The following PRKN variants were observed in gnomAD, a reference collection of about 807,000 sequenced individuals.
The protein encoded by PRKN is parkin RBR E3 ubiquitin protein ligase.
PRKN carries 56 observed loss-of-function variants against 59.5 expected under a neutral mutation model. The ratio of observed to expected loss-of-function variants is 0.94; its 90% CI spans 0.76 to 1.18. The LOEUF (loss-of-function observed/expected upper bound fraction) is 1.18. Among genes scored for constraint, PRKN ranks in the 50% most tolerant of loss-of-function variants. The pLI is 0.00. For synonymous variants in PRKN, 250 were observed against 222.1 expected (o/e 1.13, Z -1.12); for missense variants, 657 against 596.4 (o/e 1.10, Z -1.06).
chr6:162,543,374 C>A (rs1778997431), intron 1 of PRKN, among the ~76,000 whole-genome samples: 1 of 152,108 alleles, frequency 6.6e-6, no homozygotes, highest in Admixed American at 6.5e-5. Context: ...CACTTCTCCT[C>A]CCAGTTCCAC....
chr6:162,517,627 G>A (rs1004457917), intron 1 of PRKN, among the ~76,000 whole-genome samples: 1 of 152,012 alleles, frequency 6.6e-6, no homozygotes, highest in African/African-American at 2.4e-5. Flanking sequence ...CAGTGAACTA[G>A]ATCATTGCGT....
Position 161,896,985 on chromosome 6 carries a change from G to T in PRKN, c.734+76317C>A, listed in dbSNP as rs150025968. ...ATCTCTTGGGCATGATAGAATTGGA[G>T]GACAGGAAGAAATGATTCCAGTAAC... On this transcript the variant is annotated intron_variant, in intron 6 of 11. Transcript: ENST00000366898. Among the ~76,000 whole-genome samples the T allele has an allele frequency of 8.4e-4, 128 of 152,316 alleles. 1 individual carries two copies. Among genetic ancestry groups the T allele is most frequent in the Middle Eastern group, 3.4e-3 (1 of 294 alleles).
At chr6:162,066,140 C>T (rs1307902863) in intron 4 of PRKN, among the ~76,000 whole-genome samples, 5 of 152,156 alleles carry the variant, frequency 3.3e-5, no homozygotes, top group Admixed American at 1.3e-4. Flanking sequence ...CTTGAGGAAT[C>T]GCCACACTGT....
chr6:161,674,309 T>A (rs1785012281), intron 7 of PRKN, among the ~76,000 whole-genome samples: 1 of 152,096 alleles, frequency 6.6e-6, no homozygotes, highest in Non-Finnish European at 1.5e-5. Flanking sequence ...GTTTTATTTT[T>A]AATCTAGTAT....
At chr6:161,693,636 T>C (rs1448397542) in intron 7 of PRKN, among the ~76,000 whole-genome samples, 1 of 152,224 alleles carries the variant, frequency 6.6e-6, no homozygotes, top group African/African-American at 2.4e-5. Context: ...ACATGTCTTT[T>C]AAAATTAACA....
chr6:162,113,532 T>C (rs1463274196), intron 4 of PRKN, among the ~76,000 whole-genome samples: 2 of 152,208 alleles, frequency 1.3e-5, no homozygotes, highest in African/African-American at 2.4e-5. Flanking sequence ...GGATATGTAG[T>C]ACATGTGTTA....
chr6:162,304,769 T>C (rs1583346332), intron 2 of PRKN, among the ~76,000 whole-genome samples: 1 of 146,638 alleles, frequency 6.8e-6, no homozygotes, highest in African/African-American at 2.5e-5. Flanking sequence ...CCTGGGGACC[T>C]GGAGGCCCTG....
chr6:161,839,316 G>C (rs969547184), intron 6 of PRKN, among the ~76,000 whole-genome samples: 10 of 152,132 alleles, frequency 6.6e-5, no homozygotes, highest in African/African-American at 2.4e-4. Context: ...GCTCACTCCA[G>C]GTATACAATG....
At chr6:161,685,121 T>A (rs1247264064) in intron 7 of PRKN, among the ~76,000 whole-genome samples, 2 of 152,244 alleles carry the variant, frequency 1.3e-5, no homozygotes, top group African/African-American at 4.8e-5. Context: ...ATTCATTTTT[T>A]AAATTTTTTA....
At chr6:162,307,162 A>G (rs114077157) in intron 2 of PRKN, among the ~76,000 whole-genome samples, 5,753 of 152,086 alleles carry the variant, frequency 0.038, 345 homozygotes, top group African/African-American at 0.13. Context: ...CAATTTGGGA[A>G]GCCAAGGCAA....
At chr6:161,806,524 C>A (rs1398425533) in intron 6 of PRKN, among the ~76,000 whole-genome samples, 1 of 152,152 alleles carries the variant, frequency 6.6e-6, no homozygotes, top group Non-Finnish European at 1.5e-5. Context: ...AGAGTTCAGA[C>A]CCTATGTGGC....
chr6:161,960,630 G>A (rs1371935644), intron 6 of PRKN, among the ~76,000 whole-genome samples: 1 of 152,178 alleles, frequency 6.6e-6, no homozygotes, highest in Non-Finnish European at 1.5e-5. Context: ...TGGGTTTTAA[G>A]CAAACTGGGA....
chr6:161,939,432 A>T (rs1779474124), intron 6 of PRKN, among the ~76,000 whole-genome samples: 1 of 149,830 alleles, frequency 6.7e-6, no homozygotes. Flanking sequence ...AAAAAAAAAA[A>T]AAAAAAAAAA....
At chr6:162,727,431 A>G (rs980812909) in intron 1 of PRKN, among the ~76,000 whole-genome samples, 3 of 151,690 alleles carry the variant, frequency 2.0e-5, no homozygotes, top group Admixed American at 1.3e-4. Context: ...TCTTCATGAG[A>G]ACGCTCAGAG....
chr6:162,423,584 G>C (rs1789082815), intron 2 of PRKN, among the ~76,000 whole-genome samples: 1 of 152,150 alleles, frequency 6.6e-6, no homozygotes, highest in Non-Finnish European at 1.5e-5. Flanking sequence ...AATCTGCTGA[G>C]TGTGATGCAA....
intron 7 of PRKN, among the ~76,000 whole-genome samples, chr6:161,689,440 A>C (rs2128175084): frequency 6.6e-6 from 1 of 152,314 alleles, no homozygotes; most frequent in South Asian, 2.1e-4. Context: ...GAAAAGGTCA[A>C]ATTTATGAAT....
Position 161,357,210 on chromosome 6 carries a change from C to T in PRKN, c.1285+2878G>A, listed in dbSNP as rs1582963475. On this transcript the variant is annotated intron_variant, in intron 11 of 11. Coordinates refer to ENST00000366898, the MANE Select transcript of PRKN (RefSeq NM_004562.3). The surrounding 1 kb of genome is among the most constrained non-coding windows in gnomAD (Gnocchi z 5.5). ...GGGACTACAGGCATGTACCACCATG[C>T]CCAGCTAACTTTTCTATTTTTAGTG... 6.6e-6 allele frequency among the ~76,000 whole-genome samples: 1 copy of T among 152,148 alleles called. No homozygotes were observed. Among genetic ancestry groups the T allele is most frequent in the Non-Finnish European group, 1.5e-5 (1 of 68,038 alleles).
intron 2 of PRKN, among the ~76,000 whole-genome samples, chr6:162,287,803 GATTATGA>G (rs1781262775): frequency 6.6e-6 from 1 of 152,122 alleles, no homozygotes; most frequent in Non-Finnish European, 1.5e-5. Context: ...AATTAGCTTT[GATTATGA>G]AAAATGAAAG....
chr6:162,228,617 G>A (rs1216021977), intron 3 of PRKN, among the ~76,000 whole-genome samples: 1 of 152,162 alleles, frequency 6.6e-6, no homozygotes, highest in Non-Finnish European at 1.5e-5. Flanking sequence ...TGAAATTAAT[G>A]TCTGATAAAT....
Sources: gnomAD v4.1 joint callset for allele counts (sites outside exome capture counted in the v4.1 genomes callset) on GRCh38, gnomAD v4.1.1 for gene constraint, Gnocchi (gnomAD v3.1) non-coding constraint, MANE v1.5 for transcripts, NCBI Gene and HGNC (gene_info 2026-07-23, HGNC 2026-07-21) for gene names.